Variants in SPC25 observed in about 807,000 individuals in gnomAD.
SPC25 encodes SPC25 component of NDC80 kinetochore complex.
SPC25 carries 22 observed loss-of-function variants against 29.6 expected under a neutral mutation model. That is an observed-to-expected ratio of 0.74 (90% CI 0.53 to 1.06). The LOEUF (loss-of-function observed/expected upper bound fraction) is 1.06. SPC25 is among the 50% of genes least tolerant of loss of function. SPC25 has a pLI of 0.00. For synonymous variants in SPC25, 91 were observed against 90.4 expected (o/e 1.01, Z -0.04); for missense variants, 230 against 255.8 (o/e 0.90, Z 0.69).
At chr2:168,862,756 C>CTTCTTTATTTAT (rs143166986) in intron 4 of SPC25, among the ~76,000 whole-genome samples, 4 of 151,666 alleles carry the variant, frequency 2.6e-5, no homozygotes, top group Admixed American at 2.0e-4. Context: ...CAGCCTCAAC[C>CTTCTTTATTTAT]TTCTTTATGT....
At chr2:168,883,775 TC>T (rs985391738) in intron 3 of SPC25, among the ~76,000 whole-genome samples, 1 of 145,858 alleles carries the variant, frequency 6.9e-6, no homozygotes, top group Non-Finnish European at 1.5e-5. Flanking sequence ...CATTTTTTTT[TC>T]TTTTTTTTTT....
chr2:168,864,790 T>G, intron 4 of SPC25: 1 of 1,608,964 alleles, frequency 6.2e-7, no homozygotes, highest in Non-Finnish European at 8.5e-7. Flanking sequence ...CTGAGGCATG[T>G]GTTCACATCA....
intron 3 of SPC25, among the ~76,000 whole-genome samples, chr2:168,880,041 T>G (rs906666569): frequency 1.3e-5 from 2 of 152,090 alleles, no homozygotes; most frequent in Admixed American, 6.5e-5. Flanking sequence ...ATAGGCAGAG[T>G]AGATTTAGTA....
Position 168,877,261 on chromosome 2 carries a change from T to A in SPC25, c.323A>T (p.Glu108Val), listed in dbSNP as rs751293883. The change falls in exon 4 of 7, where the codon GAA becomes GTA. Residue 108 changes from glutamate (E) to valine (V), a missense_variant. Coordinates refer to ENST00000282074, the MANE Select transcript of SPC25 (RefSeq NM_020675.4). ...ACTTTCCTTCTTCCTAGAATATTCT[T>A]CCTTAAGATCCTGGATATTTGCAGT... is the stretch of plus-strand genomic sequence containing the variant. ...VLTANIQDLK[E>V]EYSRKKETIS... 6.2e-7 allele frequency: 1 copy of A among 1,613,612 alleles called. No individual in the cohort carries two copies. The highest frequency in any genetic ancestry group is 1.7e-5 in the Admixed American group (1 of 59,956).
At chr2:168,880,983 C>A (rs192299596) in intron 3 of SPC25, among the ~76,000 whole-genome samples, 2 of 152,278 alleles carry the variant, frequency 1.3e-5, no homozygotes, top group Non-Finnish European at 2.9e-5. Context: ...GTGAGAATTA[C>A]CAACATGTGA....
intron 3 of SPC25, among the ~76,000 whole-genome samples, chr2:168,878,694 AAT>A (rs1690128318): frequency 6.6e-6 from 1 of 152,380 alleles, no homozygotes; most frequent in East Asian, 1.9e-4. Context: ...CAAAAAAATC[AAT>A]AGTTTTTGTA....
At chr2:168,872,152 G>C (rs1690004508) in intron 6 of SPC25, among the ~76,000 whole-genome samples, 1 of 152,090 alleles carries the variant, frequency 6.6e-6, no homozygotes. Flanking sequence ...ATTTTCAGTA[G>C]AGGCAGGGTT....
At position 168,880,400 on chromosome 2, in the gene SPC25, T is replaced by G. The variant is rs528742521; in HGVS notation, c.200-3016A>C. On this transcript the variant is annotated intron_variant, in intron 3 of 6. Transcript: ENST00000282074. ...GAACCAACTTCTGCTAGCTTCAAAC[T>G]TTTCTTCTGAAACTTCCTCATCTTT... Among the ~76,000 whole-genome samples, 360 of 152,334 alleles carry G rather than the reference T, an allele frequency of 2.4e-3. 3 individuals are homozygous for G. Among genetic ancestry groups the G allele is most frequent in the Non-Finnish European group, 3.6e-3 (246 of 68,026 alleles).
At chr2:168,886,809 C>G (rs905725684) in intron 3 of SPC25, among the ~76,000 whole-genome samples, 5 of 151,956 alleles carry the variant, frequency 3.3e-5, no homozygotes, top group Admixed American at 6.6e-5. Context: ...GTGAACCACC[C>G]CGCCCGGCCA....
Position 168,877,241 on chromosome 2 carries a change from C to G in SPC25, c.343G>C (p.Glu115Gln). 6.2e-7 allele frequency: 1 copy of G among 1,612,706 alleles called. No homozygotes were observed. Among genetic ancestry groups the G allele is most frequent in the Non-Finnish European group, 8.5e-7 (1 of 1,179,558 alleles). The change falls in exon 4 of 7, where the codon GAA (glutamate) becomes CAA (glutamine). Residue 115 changes from glutamate (E) to glutamine (Q), a missense_variant. Coordinates refer to ENST00000282074, the MANE Select transcript of SPC25 (RefSeq NM_020675.4). ...ATGTTTATAAGAGGAAACTTACTTT[C>G]CTTCTTCCTAGAATATTCTTCCTTA... ...DLKEEYSRKK[E>Q]TISTANKANA...
downstream of SPC25, among the ~76,000 whole-genome samples, chr2:168,867,520 A>G (rs1055797422): frequency 1.3e-5 from 2 of 150,156 alleles, no homozygotes; most frequent in Non-Finnish European, 2.9e-5. Flanking sequence ...ACATAGGCTC[A>G]AAATAAAGGG....
At chr2:168,870,890 A>C (rs1287208833), downstream of SPC25, 2 of 151,514 alleles carry the variant, frequency 1.3e-5, no homozygotes, top group African/African-American at 4.9e-5. Context: ...TCATGCTGCT[A>C]TAAAGACACA....
At chr2:168,872,908 C>CT (rs1333913963) in intron 6 of SPC25, among the ~76,000 whole-genome samples, 1 of 152,094 alleles carries the variant, frequency 6.6e-6, no homozygotes, top group African/African-American at 2.4e-5. Context: ...GCTACAAAGG[C>CT]TTTAAGATGA....
At position 168,882,891 on chromosome 2, in the gene SPC25, A is replaced by G. The variant is rs144900218; in HGVS notation, c.200-5507T>C. ...GATTTCAATTTTCATTTATTACAAC[A>G]ATGTTTACAGAAATAATTACTAATA... On this transcript the variant is annotated intron_variant, in intron 3 of 6. Coordinates refer to ENST00000282074, the MANE Select transcript of SPC25 (RefSeq NM_020675.4). Among the ~76,000 whole-genome samples the G allele has an allele frequency of 1.8e-4, 28 of 152,310 alleles. No homozygotes were observed. In the East Asian group the frequency reaches 4.0e-3, roughly 22 times the overall value.
intron 3 of SPC25, among the ~76,000 whole-genome samples, chr2:168,877,922 C>T (rs1328026564): frequency 6.7e-6 from 1 of 149,340 alleles, no homozygotes. Context: ...TAGTCTCAAA[C>T]TCTTAGGCTC....
downstream of SPC25, among the ~76,000 whole-genome samples, chr2:168,867,175 T>C (rs369945635): frequency 2.6e-5 from 4 of 151,820 alleles, no homozygotes; most frequent in Non-Finnish European, 5.9e-5. Flanking sequence ...CACATGCACA[T>C]GTATGTTTAT....
chr2:168,863,723 T>C (rs1216062512), intron 4 of SPC25: 1 of 897,964 alleles, frequency 1.1e-6, no homozygotes, highest in Non-Finnish European at 1.3e-6. Context: ...AGAGACATTG[T>C]CTTGATCTTA....
intron 4 of SPC25, chr2:168,861,962 C>T: frequency 1.2e-6 from 2 of 1,614,030 alleles, no homozygotes; most frequent in Non-Finnish European, 1.7e-6. Flanking sequence ...TATTTCAGCC[C>T]CTGGTGCAGC....
intron 6 of SPC25, 137 bp from the exon 7 acceptor site, chr2:168,871,692 T>C: frequency 1.3e-6 from 1 of 794,258 alleles, no homozygotes; most frequent in Non-Finnish European, 1.9e-6. Flanking sequence ...CAAAAAAGGA[T>C]ACACTTGATT....
Sources: allele counts gnomAD v4.1 joint callset (sites outside exome capture counted in the v4.1 genomes callset), GRCh38; gene constraint gnomAD v4.1.1; transcripts MANE v1.5; gene names NCBI Gene and HGNC (gene_info 2026-07-23, HGNC 2026-07-21).